RAG1: variants seen among roughly 807,000 people sequenced by gnomAD.
RAG1 encodes V(D)J recombination-activating protein 1.
Under a neutral mutation model 62.7 loss-of-function variants are expected in RAG1, and 35 were observed. The ratio of observed to expected loss-of-function variants is 0.56; its 90% CI spans 0.43 to 0.74. The LOEUF (loss-of-function observed/expected upper bound fraction) is 0.74, where lower values mean the gene tolerates loss of function less well. Among genes scored for constraint, RAG1 ranks in the 30% least tolerant of loss-of-function variants. The probability of loss-of-function intolerance (pLI) is 0.00; values close to 1 mark genes in which losing one functional copy is unlikely to be tolerated. For synonymous variants in RAG1, 461 were observed against 470.3 expected, an observed-to-expected ratio of 0.98 and a Z score of 0.26; for missense variants, 1,169 against 1,278.6, an observed-to-expected ratio of 0.91 and a Z score of 1.31.
chr11:36,560,497 G>C (rs1850567993), intron 3 of RAG1, among the ~76,000 whole-genome samples: 1 of 152,144 alleles, frequency 6.6e-6, no homozygotes, highest in Non-Finnish European at 1.5e-5. Flanking sequence ...CTCCAGGTAT[G>C]TGGATATGCC....
chr11:36,528,498 G>A (rs1359555360), intron 2 of RAG1, among the ~76,000 whole-genome samples: 1 of 152,094 alleles, frequency 6.6e-6, no homozygotes, highest in Non-Finnish European at 1.5e-5. Context: ...AAAGAAGTGT[G>A]TAGAGGGAAA....
chr11:36,573,944 T>C lies in RAG1; in HGVS notation c.640T>C (p.Cys214Arg). 6.2e-7 allele frequency: 1 copy of C among 1,614,088 alleles called. No individual in the cohort carries two copies. The highest frequency in any genetic ancestry group is 8.5e-7 in the Non-Finnish European group (1 of 1,180,022). The change falls in exon 2 of 2, where the codon TGC becomes CGC. Residue 214 changes from cysteine (C) to arginine (R), a missense_variant. By Grantham distance (180) the Cys-to-Arg change is radical. Transcript: ENST00000299440. ...WHPHTPSCDICNTARRGLKRK... is the reference protein window; with the variant it reads ...WHPHTPSCDIRNTARRGLKRK... ...CCCCCACACACCATCCTGTGACATC[T>C]GCAACACTGCCCGTCGGGGACTCAA...
At chr11:36,546,549 T>A (rs1590682426) in intron 3 of RAG1, among the ~76,000 whole-genome samples, 1 of 152,198 alleles carries the variant, frequency 6.6e-6, no homozygotes, top group African/African-American at 2.4e-5. Flanking sequence ...AGTCTGTCTT[T>A]TAATTGGGGG....
downstream of RAG1, among the ~76,000 whole-genome samples, chr11:36,539,163 G>A (rs1309415352): frequency 6.6e-6 from 1 of 152,186 alleles, no homozygotes; most frequent in Non-Finnish European, 1.5e-5. Context: ...TAAGGGTGGG[G>A]TCTTAACCCA....
At chr11:36,513,517 C>T (rs976654777) in intron 1 of RAG1, among the ~76,000 whole-genome samples, 2 of 152,182 alleles carry the variant, frequency 1.3e-5, no homozygotes, top group Admixed American at 6.5e-5. Context: ...TGTGTGGCAG[C>T]CTGCCTTGAA....
At chr11:36,514,314 T>G (rs1352710439) in intron 1 of RAG1, among the ~76,000 whole-genome samples, 1 of 152,158 alleles carries the variant, frequency 6.6e-6, no homozygotes, top group Non-Finnish European at 1.5e-5. Flanking sequence ...TTGGGTAATT[T>G]GGTACACAGC....
Position 36,574,619 on chromosome 11 carries a change from C to G in RAG1, c.1315C>G (p.Leu439Val). 6.2e-7 allele frequency: 1 copy of G among 1,614,242 alleles called. No individual in the cohort carries two copies. Among genetic ancestry groups the G allele is most frequent in the South Asian group, 1.1e-5 (1 of 91,084 alleles). The stretch of plus-strand genomic sequence containing the variant: ...GAAGTCCGTGTGCATGACCTTGTTC[C>G]TGCTGGCTCTGAGGGCGAGGAATGA... ...DVKSVCMTLFLLALRARNEHR... is the reference protein window; with the variant it reads ...DVKSVCMTLFVLALRARNEHR... Residue 439 changes from leucine to valine, a missense_variant, in exon 2 of 2, where the codon CTG (leucine) becomes GTG (valine). Physicochemically the swap from Leu to Val is conservative, Grantham distance 32. Around this residue, in one of 2 missense-constraint regions of RAG1, gnomAD observed 800 missense variants for 943.3 expected, o/e 0.85. Transcript: ENST00000299440.
At chr11:36,564,538 T>C (rs530854807), upstream of RAG1, among the ~76,000 whole-genome samples, 2 of 152,286 alleles carry the variant, frequency 1.3e-5, no homozygotes, top group South Asian at 2.1e-4. Context: ...GAATATAGGC[T>C]TTTCTTTGCC....
At chr11:36,569,877 G>A (rs534830172) in intron 1 of RAG1, among the ~76,000 whole-genome samples, 1 of 152,200 alleles carries the variant, frequency 6.6e-6, no homozygotes, top group South Asian at 2.1e-4. Context: ...TACATAAAGG[G>A]AATCCTACTA....
At chr11:36,545,783 A>T (rs1309660475) in intron 3 of RAG1, among the ~76,000 whole-genome samples, 1 of 152,186 alleles carries the variant, frequency 6.6e-6, no homozygotes, top group East Asian at 1.9e-4. Flanking sequence ...TGTCTTAGAG[A>T]TTCTGGTACG....
chr11:36,527,342 T>C (rs1307789299), intron 2 of RAG1, among the ~76,000 whole-genome samples: 2 of 152,226 alleles, frequency 1.3e-5, no homozygotes, highest in Non-Finnish European at 2.9e-5. Context: ...AAATAGGGAA[T>C]CCCTTCCCCA....
chr11:36,519,096 G>A (rs980472618), intron 1 of RAG1, among the ~76,000 whole-genome samples: 3 of 152,124 alleles, frequency 2.0e-5, no homozygotes, highest in African/African-American at 7.2e-5. Context: ...TTCTAAAATG[G>A]TTATTTGAGG....
Position 36,573,444 on chromosome 11 carries a change from A to C in RAG1, c.140A>C (p.Lys47Thr). The C allele has an allele frequency of 6.2e-7, 1 of 1,614,168 alleles. No individual in the cohort carries two copies. Among genetic ancestry groups the C allele is most frequent in the Non-Finnish European group, 8.5e-7 (1 of 1,180,038 alleles). ...SFEKTPEEAQ[K>T]EKKDSFEGKP... ...GAAAAGACACCTGAAGAAGCTCAAA[A>C]GGAAAAGAAGGATTCCTTTGAGGGG... Residue 47 changes from lysine to threonine, a missense_variant, in exon 2 of 2, where the codon AAG (lysine) becomes ACG (threonine). Physicochemically the swap from Lys to Thr is moderately conservative, Grantham distance 78. This residue lies in a region of RAG1 where 369 missense variants were observed against 335.3 expected (regional missense o/e 1.10). Coordinates refer to ENST00000299440, the MANE Select transcript of RAG1 (RefSeq NM_000448.3).
chr11:36,574,367 A>C lies in RAG1; in HGVS notation c.1063A>C (p.Met355Leu). 1 of 1,614,208 alleles carries C rather than the reference A, an allele frequency of 6.2e-7. No individual in the cohort carries two copies. The highest frequency in any genetic ancestry group is 8.5e-7 in the Non-Finnish European group (1 of 1,180,030). Residue 355 changes from methionine (M) to leucine (L), a missense_variant, in exon 2 of 2, where the codon ATG becomes CTG. This residue lies in a region of RAG1 where 800 missense variants were observed against 943.3 expected (regional missense o/e 0.85). Coordinates refer to ENST00000299440, the MANE Select transcript of RAG1 (RefSeq NM_000448.3). The stretch of plus-strand genomic sequence containing the variant: ...CTTTCTGAGCGTCTTGAATTCCCTG[A>C]TGGTGAAATGTCCAGCAAAAGAGTG... The part of the protein sequence containing the change: ...KSFLSVLNSL[M>L]VKCPAKECNE...
intron 1 of RAG1, among the ~76,000 whole-genome samples, chr11:36,516,210 G>A (rs893322367): frequency 2.0e-5 from 3 of 152,242 alleles, no homozygotes; most frequent in South Asian, 4.1e-4. Flanking sequence ...GTGAATTATA[G>A]TTTTAATGCA....
At chr11:36,558,648 A>T (rs969426172) in intron 3 of RAG1, among the ~76,000 whole-genome samples, 7 of 151,924 alleles carry the variant, frequency 4.6e-5, no homozygotes, top group Admixed American at 1.3e-4. Flanking sequence ...CTTTTCATCT[A>T]TGTGTGTCTT....
At chr11:36,539,150 T>G (rs915319789), downstream of RAG1, among the ~76,000 whole-genome samples, 5 of 152,242 alleles carry the variant, frequency 3.3e-5, no homozygotes, top group Non-Finnish European at 7.4e-5. Context: ...TTAAAGGCGG[T>G]CATAAGGGTG....
At chr11:36,540,684 G>A (rs1022215129), downstream of RAG1, among the ~76,000 whole-genome samples, 2 of 152,178 alleles carry the variant, frequency 1.3e-5, no homozygotes, top group Non-Finnish European at 2.9e-5. Flanking sequence ...GGGATTACAG[G>A]CGTGAGCCAA....
rs199474679 is a variant in RAG1, at chr11:36,574,601, G to A, written c.1297G>A (p.Val433Met). The A allele has an allele frequency of 6.2e-6, 10 of 1,614,232 alleles. No homozygotes were observed. The highest frequency in any genetic ancestry group is 1.1e-5 in the South Asian group (1 of 91,080). ...DKEEGGDVKS[V>M]CMTLFLLALR... ...AGAAGAAGGTGGAGATGTGAAGTCC[G>A]TGTGCATGACCTTGTTCCTGCTGGC... Residue 433 changes from valine (V) to methionine (M), a missense_variant, in exon 2 of 2, where the codon GTG (valine) becomes ATG (methionine). By Grantham distance (21) the Val-to-Met change is conservative (BLOSUM62 1). Transcript: ENST00000299440.
Sources: allele counts gnomAD v4.1 joint callset (sites outside exome capture counted in the v4.1 genomes callset), GRCh38; gene constraint gnomAD v4.1.1; regional missense constraint gnomAD v4.1.1; transcripts MANE v1.5; gene names NCBI Gene and HGNC (gene_info 2026-07-23, HGNC 2026-07-21).